Variants in GRM5 observed in about 807,000 individuals in gnomAD.
GRM5 encodes glutamate metabotropic receptor 5, also known as metabotropic glutamate receptor 5.
In GRM5, 19 loss-of-function variants were observed where a neutral mutation model predicts 83.1. The ratio of observed to expected loss-of-function variants is 0.23; its 90% CI spans 0.16 to 0.34. GRM5 has a LOEUF of 0.34. GRM5 is among the 10% of genes least tolerant of loss of function. GRM5 has a pLI of 1.00. For synonymous variants in GRM5, 675 were observed against 633.6 expected, an observed-to-expected ratio of 1.07 and a Z score of -0.98; for missense variants, 1,160 against 1,588.3, an observed-to-expected ratio of 0.73 and a Z score of 4.58.
At chr11:88,975,291 G>C (rs1336598281) in intron 2 of GRM5, among the ~76,000 whole-genome samples, 1 of 152,230 alleles carries the variant, frequency 6.6e-6, no homozygotes, top group African/African-American at 2.4e-5. Flanking sequence ...ATCTGGTATA[G>C]AGGAAGGGAG....
chr11:88,749,003 A>C (rs531645527), intron 3 of GRM5, among the ~76,000 whole-genome samples: 29 of 152,300 alleles, frequency 1.9e-4, no homozygotes, highest in Middle Eastern at 3.4e-3. Flanking sequence ...ATCAACACAA[A>C]AATGCTGAAA....
rs57318577 is a variant in GRM5 at position 88,933,187 on chromosome 11, A to ATTTTTTTT, written c.662-83040_662-83033dup. 1.8e-4 allele frequency among the ~76,000 whole-genome samples: 19 copies of ATTTTTTTT among 106,296 alleles called. 2 individuals carry two copies. Among genetic ancestry groups the ATTTTTTTT allele is most frequent in the African/African-American group, 4.0e-4 (11 of 27,704 alleles). 69.7% of individuals were successfully genotyped at this position (106,296 alleles called of 152,430 possible). On this transcript the variant is annotated intron_variant, in intron 2 of 9. Transcript: ENST00000305447. The stretch of plus-strand genomic sequence containing the variant: ...GGTCTGCAATTCAAATATTTGGGGC[A>ATTTTTTTT]TTTTTTTTTTTTTTTTTTTTGCTAA...
intron 2 of GRM5, among the ~76,000 whole-genome samples, chr11:88,903,966 T>C (rs1180184116): frequency 6.6e-6 from 1 of 152,178 alleles, no homozygotes; most frequent in African/African-American, 2.4e-5. Context: ...CTGAGTGAGA[T>C]GGAAGGAATT....
intron 3 of GRM5, among the ~76,000 whole-genome samples, chr11:88,809,708 AC>A (rs1943557322): frequency 6.6e-6 from 1 of 151,960 alleles, no homozygotes; most frequent in South Asian, 2.1e-4. Flanking sequence ...GTAAGATATG[AC>A]ATCATATAGG....
intron 8 of GRM5, among the ~76,000 whole-genome samples, chr11:88,530,257 G>C (rs186527980): frequency 3.3e-5 from 5 of 151,902 alleles, no homozygotes; most frequent in Admixed American, 6.6e-5. Context: ...GGAGTTTAAG[G>C]CTCTTCAATC....
At chr11:88,836,772 G>T (rs1164085080) in intron 3 of GRM5, among the ~76,000 whole-genome samples, 1 of 152,080 alleles carries the variant, frequency 6.6e-6, no homozygotes, top group Non-Finnish European at 1.5e-5. Flanking sequence ...TCCAGCTTGG[G>T]TGATAGAGTG....
intron 3 of GRM5, among the ~76,000 whole-genome samples, chr11:88,750,359 T>C (rs779126841): frequency 1.3e-5 from 2 of 152,146 alleles, no homozygotes; most frequent in Non-Finnish European, 2.9e-5. Context: ...TACATAATGG[T>C]AAAGTCTTCA....
rs545105398 is a variant in GRM5, at chr11:88,901,139, A to G, written c.662-50984T>C. 2.6e-5 allele frequency among the ~76,000 whole-genome samples: 4 copies of G among 152,234 alleles called. No homozygotes were observed. The South Asian group carries it at 8.3e-4, about 32-fold the overall frequency. On this transcript the variant is annotated intron_variant, in intron 2 of 9. Coordinates refer to ENST00000305447, the MANE Select transcript of GRM5 (RefSeq NM_001143831.3). ...GAGAGCCCTAGAGGAATGCTGATGGATTGGGTAACTTGTGAGATCCGTGTG... is the reference window on the plus strand; with the variant it reads ...GAGAGCCCTAGAGGAATGCTGATGGGTTGGGTAACTTGTGAGATCCGTGTG...
intron 2 of GRM5, among the ~76,000 whole-genome samples, chr11:88,884,569 ATGAGAC>A (rs1489219476): frequency 6.6e-6 from 1 of 152,160 alleles, no homozygotes; most frequent in Non-Finnish European, 1.5e-5. Context: ...TGAAAGGGAC[ATGAGAC>A]TTGGGAGGGG....
intron 2 of GRM5, among the ~76,000 whole-genome samples, chr11:89,037,996 T>C (rs1392063832): frequency 1.3e-5 from 2 of 152,194 alleles, no homozygotes; most frequent in African/African-American, 4.8e-5. Context: ...TAATACATGT[T>C]GATATTTATA....
chr11:89,035,438 C>T (rs1253267102), intron 2 of GRM5, among the ~76,000 whole-genome samples: 3 of 151,640 alleles, frequency 2.0e-5, no homozygotes, highest in African/African-American at 7.3e-5. Flanking sequence ...AATCCTAACC[C>T]AAATCTAGTG....
intron 5 of GRM5, among the ~76,000 whole-genome samples, chr11:88,602,077 T>TG (rs1246755254): frequency 6.6e-6 from 1 of 151,428 alleles, no homozygotes; most frequent in Non-Finnish European, 1.5e-5. Flanking sequence ...TGAAATTTTT[T>TG]TTTCTTTTTT....
At chr11:88,592,283 T>G (rs191805920) in intron 6 of GRM5, among the ~76,000 whole-genome samples, 8 of 152,320 alleles carry the variant, frequency 5.3e-5, no homozygotes, top group African/African-American at 1.9e-4. Context: ...TTCCTTAGGA[T>G]TAAATAAAAC....
chr11:88,605,385 C>A (rs534329689), intron 4 of GRM5, among the ~76,000 whole-genome samples: 5 of 151,266 alleles, frequency 3.3e-5, no homozygotes, highest in Non-Finnish European at 7.4e-5. Flanking sequence ...TCTTACCTGG[C>A]GATACTAGAT....
At chr11:88,951,957 T>C (rs1251857824) in intron 2 of GRM5, among the ~76,000 whole-genome samples, 1 of 152,190 alleles carries the variant, frequency 6.6e-6, no homozygotes, top group African/African-American at 2.4e-5. Flanking sequence ...ACTGTTCTGG[T>C]CACTGTTTTG....
At chr11:88,999,044 G>A (rs1050880687) in intron 2 of GRM5, among the ~76,000 whole-genome samples, 6 of 152,092 alleles carry the variant, frequency 3.9e-5, no homozygotes, top group African/African-American at 1.4e-4. Flanking sequence ...TATGTAGAAA[G>A]CTGAAACTGG....
intron 1 of GRM5, among the ~76,000 whole-genome samples, chr11:89,052,296 T>C: frequency 6.6e-6 from 1 of 152,036 alleles, no homozygotes; most frequent in East Asian, 1.9e-4. Context: ...AGAGGAAGTA[T>C]AAATATTGCA....
At chr11:88,570,280 A>G (rs1942959695) in intron 7 of GRM5, among the ~76,000 whole-genome samples, 1 of 152,082 alleles carries the variant, frequency 6.6e-6, no homozygotes, top group African/African-American at 2.4e-5. Flanking sequence ...TATTGAAACA[A>G]AGGGCTTTAA....
intron 3 of GRM5, among the ~76,000 whole-genome samples, chr11:88,843,399 T>C (rs951913787): frequency 6.6e-6 from 1 of 152,136 alleles, no homozygotes; most frequent in Non-Finnish European, 1.5e-5. Context: ...CTCAGACATT[T>C]ATTATTTCTT....
Sources: allele counts gnomAD v4.1 joint callset (sites outside exome capture counted in the v4.1 genomes callset), GRCh38; gene constraint gnomAD v4.1.1; transcripts MANE v1.5; gene names NCBI Gene and HGNC (gene_info 2026-07-23, HGNC 2026-07-21).